Variants in UGT1A6 observed in about 807,000 individuals in gnomAD.
UGT1A6 encodes the protein UDP-glucuronosyltransferase 1A6.
A neutral mutation model predicts 44.4 loss-of-function variants in UGT1A6; 32 were observed. The ratio of observed to expected loss-of-function variants is 0.72; its 90% CI spans 0.54 to 0.97. UGT1A6 has a LOEUF of 0.97. Among genes scored for constraint, UGT1A6 ranks in the 50% least tolerant of loss-of-function variants. The pLI is 0.00. For synonymous variants in UGT1A6, 238 were observed against 248.5 expected, an observed-to-expected ratio of 0.96 and a Z score of 0.40; for missense variants, 685 against 661.9, an observed-to-expected ratio of 1.03 and a Z score of -0.38.
At chr2:233,760,719 C>A in intron 1 of UGT1A6, 4 of 1,614,206 alleles carry the variant, frequency 2.5e-6, no homozygotes, top group Non-Finnish European at 3.4e-6. Flanking sequence ...CAGAAAGCAG[C>A]TTTGATGTCA....
At position 233,693,135 on chromosome 2, in the gene UGT1A6, A is replaced by G. The variant is rs879171045; in HGVS notation, c.131A>G (p.Asp44Gly). Residue 44 changes from aspartate (D) to glycine (G), a missense_variant, in exon 1 of 5, where the codon GAT (aspartate) becomes GGT (glycine). Asp to Gly is a moderately conservative substitution (Grantham distance 94). Transcript: ENST00000305139. ...QDGSHWLSMK[D>G]IVEVLSDRGH... ...GGAAGCCACTGGCTTAGTATGAAGG[A>G]TATAGTTGAGGTTCTCAGTGACCGG... 6.2e-7 allele frequency: 1 copy of G among 1,614,148 alleles called. No homozygotes were observed. Among genetic ancestry groups the G allele is most frequent in the South Asian group, 1.1e-5 (1 of 91,070 alleles).
rs2126067607 is a variant in UGT1A6 at position 233,772,789 on chromosome 2, G to C, written c.*230G>C. 2 of 1,234,682 alleles carry C rather than the reference G, an allele frequency of 1.6e-6. No homozygotes were observed. Among genetic ancestry groups the C allele is most frequent in the Middle Eastern group, 2.9e-4 (1 of 3,420 alleles). The allele number at this position is 1,234,682 out of a possible 1,614,324, so 76.5% of individuals were successfully genotyped here. On this transcript the variant is annotated 3_prime_UTR_variant, in exon 5 of 5. Transcript: ENST00000305139. Reference sequence around the variant, plus strand: ...CCCCTCTGGTGTCTTTGATCAGGATGACATGTGCCATTTTTCAGAGGACGT... The same window carrying C: ...CCCCTCTGGTGTCTTTGATCAGGATCACATGTGCCATTTTTCAGAGGACGT...
intron 4 of UGT1A6, chr2:233,771,016 A>C (rs1281561140): frequency 2.0e-5 from 3 of 152,186 alleles, no homozygotes; most frequent in African/African-American, 7.2e-5. Flanking sequence ...AGCAGGAGCG[A>C]GAGAGAGTTG....
At chr2:233,757,247 G>C (rs1244146616) in intron 1 of UGT1A6, among the ~76,000 whole-genome samples, 2 of 143,632 alleles carry the variant, frequency 1.4e-5, no homozygotes. Flanking sequence ...GGTGAGGTGG[G>C]GTTATTCAGG....
At chr2:233,759,612 A>T (rs992811783) in intron 1 of UGT1A6, among the ~76,000 whole-genome samples, 1 of 32,712 alleles carries the variant, frequency 3.1e-5, no homozygotes, top group African/African-American at 8.8e-5. Flanking sequence ...CGCCCCACCC[A>T]CCCACCTGTT....
rs199541495 is a variant in UGT1A6 at position 233,713,270 on chromosome 2, G to A, written c.861+19405G>A. ...CCCAGGACGAATTTGATCGCCTTTT[G>A]CTGGGTCACACTCAATCGTTCTTTG... On this transcript the variant is annotated intron_variant, in intron 1 of 4. Coordinates refer to ENST00000305139, the MANE Select transcript of UGT1A6 (RefSeq NM_001072.4). 2.5e-6 allele frequency: 4 copies of A among 1,614,126 alleles called. No homozygotes were observed. In the African/African-American group the frequency reaches 5.3e-5, roughly 22 times the overall value.
chr2:233,756,182 C>T (rs1035761363), intron 1 of UGT1A6: 1 of 152,192 alleles, frequency 6.6e-6, no homozygotes, highest in African/African-American at 2.4e-5. Flanking sequence ...TTGAGAATCG[C>T]TAGTCTAGCA....
intron 1 of UGT1A6, among the ~76,000 whole-genome samples, chr2:233,730,265 T>C (rs547052963): frequency 2.0e-5 from 3 of 152,104 alleles, no homozygotes; most frequent in East Asian, 3.9e-4. Context: ...AGACTGTTGG[T>C]TTGTAAAGGC....
intron 1 of UGT1A6, among the ~76,000 whole-genome samples, chr2:233,735,224 A>T (rs953132895): frequency 1.3e-5 from 2 of 152,126 alleles, no homozygotes; most frequent in African/African-American, 4.8e-5. Context: ...TATATTTAGG[A>T]TAGTTAGCTC....
intron 1 of UGT1A6, chr2:233,719,579 C>T (rs112157197): frequency 5.0e-5 from 80 of 1,613,916 alleles, no homozygotes; most frequent in South Asian, 2.2e-4. Flanking sequence ...GCTATGCATC[C>T]GTGTGGCTGT....
At chr2:233,739,019 A>G (rs1003035720) in intron 1 of UGT1A6, 4 of 152,282 alleles carry the variant, frequency 2.6e-5, no homozygotes, top group African/African-American at 7.2e-5. Flanking sequence ...GGCTCCAGCC[A>G]TGGCTAAAAG....
At chr2:233,768,744 G>A (rs903121977) in intron 4 of UGT1A6, among the ~76,000 whole-genome samples, 12 of 151,626 alleles carry the variant, frequency 7.9e-5, no homozygotes, top group African/African-American at 2.4e-4. Context: ...CACCACGCCC[G>A]GTTAATTTTT....
At chr2:233,768,980 T>A (rs1699769339) in intron 4 of UGT1A6, among the ~76,000 whole-genome samples, 1 of 152,212 alleles carries the variant, frequency 6.6e-6, no homozygotes, top group Non-Finnish European at 1.5e-5. Flanking sequence ...TTTAGAATTT[T>A]ATTTCCCCCA....
At chr2:233,745,942 T>C (rs1437822844) in intron 1 of UGT1A6, among the ~76,000 whole-genome samples, 1 of 151,412 alleles carries the variant, frequency 6.6e-6, no homozygotes, top group Non-Finnish European at 1.5e-5. Flanking sequence ...CAGCTGGGGG[T>C]TGGGCAACTG....
At chr2:233,710,464 G>A in intron 1 of UGT1A6, among the ~76,000 whole-genome samples, 1 of 152,194 alleles carries the variant, frequency 6.6e-6, no homozygotes. Context: ...ATCCTAATGG[G>A]TGTGTAGTAG....
At chr2:233,717,608 A>G (rs897044016) in intron 1 of UGT1A6, among the ~76,000 whole-genome samples, 23 of 152,264 alleles carry the variant, frequency 1.5e-4, no homozygotes, top group African/African-American at 5.5e-4. Context: ...AAGTGGGCAC[A>G]GCCCAGAGAG....
intron 1 of UGT1A6, chr2:233,743,878 C>G (rs1692563278): frequency 7.3e-7 from 1 of 1,367,158 alleles, no homozygotes; most frequent in Non-Finnish European, 9.8e-7. Context: ...CGGATGAGGC[C>G]TGCCGGGGCA....
chr2:233,720,446 C>A (rs2076860422), intron 1 of UGT1A6, among the ~76,000 whole-genome samples: 1 of 152,024 alleles, frequency 6.6e-6, no homozygotes, highest in African/African-American at 2.4e-5. Context: ...TCTATAAGCC[C>A]AGTGAAGCTG....
intron 1 of UGT1A6, among the ~76,000 whole-genome samples, chr2:233,699,813 T>C (rs1466626716): frequency 1.3e-5 from 2 of 152,226 alleles, no homozygotes; most frequent in African/African-American, 4.8e-5. Flanking sequence ...GTCATCTAAA[T>C]AGTAGTTCTC....
Sources: allele counts gnomAD v4.1 joint callset (sites outside exome capture counted in the v4.1 genomes callset), GRCh38; gene constraint gnomAD v4.1.1; transcripts MANE v1.5; gene names NCBI Gene and HGNC (gene_info 2026-07-23, HGNC 2026-07-21).